AHNAK2: variants seen among roughly 807,000 people sequenced by gnomAD.
The protein encoded by AHNAK2 is protein AHNAK2.
Under a neutral mutation model 30.7 loss-of-function variants are expected in AHNAK2, and 18 were observed. The ratio of observed to expected loss-of-function variants is 0.59; its 90% CI spans 0.41 to 0.87. AHNAK2 has a LOEUF of 0.87. AHNAK2 is among the 40% of genes least tolerant of loss of function. The pLI is 0.00. For missense variants in AHNAK2, 8,604 were observed against 7,373.0 expected (o/e 1.17, Z -6.11); for synonymous variants, 3,590 against 3,073.8 (o/e 1.17, Z -5.56).
chr14:104,953,601 GC>G lies in AHNAK2; in HGVS notation c.1849del (p.Ala617ProfsTer17), dbSNP rs1205572179. ...EDTEQGREGE[A>X]TATADRREQR... Reference sequence around the variant, plus strand: ...TTCTCTTCTATCAGCTGTTGCTGTGGCCTCTCCTTCCCTTCCCTGCTCTGTG... The same window carrying G: ...TTCTCTTCTATCAGCTGTTGCTGTGGCTCTCCTTCCCTTCCCTGCTCTGTG... On this transcript the variant is annotated frameshift_variant, in exon 7 of 7. Transcript: ENST00000333244. LOFTEE classifies it low-confidence loss of function (END_TRUNC). 5 of 1,613,744 alleles carry G rather than the reference GC, an allele frequency of 3.1e-6. No individual in the cohort carries two copies. Among genetic ancestry groups the G allele is most frequent in the Non-Finnish European group, 4.2e-6 (5 of 1,179,878 alleles).
At position 104,944,860 on chromosome 14, in the gene AHNAK2, C is replaced by T. The variant is rs746675764; in HGVS notation, c.10591G>A (p.Glu3531Lys). ...LSIQPPSADL[E>K]VQAVQVDVEL... Reference sequence around the variant, plus strand: ...ACATCCACTTGGACAGCCTGGACCTCCAGGTCAGCGGAAGGGGGCTGAATG... The same window carrying T: ...ACATCCACTTGGACAGCCTGGACCTTCAGGTCAGCGGAAGGGGGCTGAATG... Residue 3531 changes from glutamate (E) to lysine (K), a missense_variant, in exon 7 of 7, where the codon GAG becomes AAG. By Grantham distance (56) the Glu-to-Lys change is moderately conservative (BLOSUM62 1). Coordinates refer to ENST00000333244, the MANE Select transcript of AHNAK2 (RefSeq NM_138420.4). 15 of 1,612,036 alleles carry T rather than the reference C, an allele frequency of 9.3e-6. No individual in the cohort carries two copies. The East Asian group carries it at 2.2e-4, about 24-fold the overall frequency.
At position 104,954,567 on chromosome 14, in the gene AHNAK2, G is replaced by A; in HGVS notation, c.884C>T (p.Pro295Leu). 1.2e-6 allele frequency: 2 copies of A among 1,608,652 alleles called. No individual in the cohort carries two copies. Among genetic ancestry groups the A allele is most frequent in the Non-Finnish European group, 1.7e-6 (2 of 1,177,392 alleles). ...CTGGGCCTCTGTGTCTGTGCTTGTA[G>A]GGGACACGTCATGTGCGTCCCTAGG... ...YEPRDAHDVSPTSTDTEAQLT... is the reference protein window; with the variant it reads ...YEPRDAHDVSLTSTDTEAQLT... Residue 295 changes from proline to leucine, a missense_variant, in exon 7 of 7, where the codon CCT becomes CTT. Coordinates refer to ENST00000333244, the MANE Select transcript of AHNAK2 (RefSeq NM_138420.4). This position sits in a 1 kb window ranked among gnomAD's most constrained non-coding sequence, Gnocchi z 4.3.
Position 104,946,878 on chromosome 14 carries a change from G to C in AHNAK2, c.8573C>G (p.Thr2858Ser). The C allele has an allele frequency of 1.2e-6, 2 of 1,612,520 alleles. No individual in the cohort carries two copies. Among genetic ancestry groups the C allele is most frequent in the Non-Finnish European group, 1.7e-6 (2 of 1,179,692 alleles). The change falls in exon 7 of 7, where the codon ACC becomes AGC. Residue 2858 changes from threonine (T) to serine (S), a missense_variant. By Grantham distance (58) the Thr-to-Ser change is moderately conservative. Transcript: ENST00000333244. ...SFPSMQGDLK[T>S]TDIRIQPPSA... ...GGGGGGCTGAATGCGGATGTCAGTG[G>C]TCTTAAGATCCCCTTGCATGGAGGG...
At chr14:104,959,232 G>C (rs1309773763) in intron 1 of AHNAK2, among the ~76,000 whole-genome samples, 1 of 152,174 alleles carries the variant, frequency 6.6e-6, no homozygotes, top group Non-Finnish European at 1.5e-5. Flanking sequence ...AAGTGCAGTG[G>C]CACGATCTTG....
Position 104,946,661 on chromosome 14 carries a change from C to T in AHNAK2, c.8790G>A (p.Ala2930=), listed in dbSNP as rs747768367. Residue 2930 remains alanine (A), a synonymous_variant, in exon 7 of 7, where the codon GCG becomes GCA. Coordinates refer to ENST00000333244, the MANE Select transcript of AHNAK2 (RefSeq NM_138420.4). ...GPKLDLKGPK[A]EVTAPDVEVS... is the part of the protein sequence containing the mutation. ...CCTCCACGTCGGGGGCCGTCACCTC[C>T]GCCTTGGGGCCTTTCAGGTCCAGCT... 57 of 1,613,082 alleles carry T rather than the reference C, an allele frequency of 3.5e-5. No individual in the cohort carries two copies. The East Asian group carries it at 6.7e-4, about 19-fold the overall frequency.
At position 104,941,879 on chromosome 14, in the gene AHNAK2, A is replaced by G. The variant is rs747877169; in HGVS notation, c.13572T>C (p.Ala4524=). 1.2e-6 allele frequency: 2 copies of G among 1,613,484 alleles called. No individual in the cohort carries two copies. The highest frequency in any genetic ancestry group is 4.5e-5 in the East Asian group (2 of 44,852). ...QAPSADLEVQ[A]GQVDLKLPEG... is the part of the protein sequence containing the mutation. ...CTGGAAGTTTCAAGTCCACCTGGCC[A>G]GCCTGGACCTCCAGGTCGGCGGAAG... Residue 4524 remains alanine (A), a synonymous_variant, in exon 7 of 7, where the codon GCT becomes GCC. Transcript: ENST00000333244.
chr14:104,954,944 A>G lies in AHNAK2; in HGVS notation c.651+13T>C. On this transcript the variant is annotated intron_variant, in intron 6 of 6. Coordinates refer to ENST00000333244, the MANE Select transcript of AHNAK2 (RefSeq NM_138420.4). The surrounding 1 kb of genome is among the most constrained non-coding windows in gnomAD (Gnocchi z 4.3). ...CCAGCTGGGGCCCTGCCCCCCGGGCATAGTGGTCTCACCTCCTTCTCCTTG... is the reference window on the plus strand; with the variant it reads ...CCAGCTGGGGCCCTGCCCCCCGGGCGTAGTGGTCTCACCTCCTTCTCCTTG... The G allele has an allele frequency of 6.2e-7, 1 of 1,605,640 alleles. No homozygotes were observed. Among genetic ancestry groups the G allele is most frequent in the Non-Finnish European group, 8.5e-7 (1 of 1,175,732 alleles).
rs1376585772 is a variant in AHNAK2, at chr14:104,942,799, T to G, written c.12652A>C (p.Lys4218Gln). The G allele has an allele frequency of 1.2e-6, 2 of 1,612,806 alleles. No homozygotes were observed. The highest frequency in any genetic ancestry group is 1.7e-5 in the Admixed American group (1 of 59,952). ...KGAGLKGHLP[K>Q]VQMPCLKMPK... is the part of the protein sequence containing the mutation. ...ATCTTCAAACAGGGCATCTGCACCT[T>G]GGGGAGGTGCCCTTTGAGGCCGGCT... Residue 4218 changes from lysine to glutamine, a missense_variant, in exon 7 of 7, where the codon AAG becomes CAG. Transcript: ENST00000333244.
At position 104,946,155 on chromosome 14, in the gene AHNAK2, G is replaced by A. The variant is rs183644264; in HGVS notation, c.9296C>T (p.Ala3099Val). The change falls in exon 7 of 7, where the codon GCC (alanine) becomes GTC (valine). Residue 3099 changes from alanine (A) to valine (V), a missense_variant. Physicochemically the swap from Ala to Val is moderately conservative, Grantham distance 64. Transcript: ENST00000333244. ...DLKGPKTDVTAPDVEVSQPGM... is the reference protein window; with the variant it reads ...DLKGPKTDVTVPDVEVSQPGM... ...GGGCTGAGACACCTCCACGTCGGGG[G>A]CCGTCACGTCCGTCTTCGGGCCTTT... The A allele has an allele frequency of 6.4e-4, 1,032 of 1,612,042 alleles. No homozygotes were observed. The African/African-American group carries it at 0.013, about 20-fold the overall frequency.
Position 104,941,452 on chromosome 14 carries a change from T to C in AHNAK2, c.13999A>G (p.Ile4667Val), listed in dbSNP as rs202153346. The change falls in exon 7 of 7, where the codon ATT becomes GTT. Residue 4667 changes from isoleucine to valine, a missense_variant. By Grantham distance (29) the Ile-to-Val change is conservative. Coordinates refer to ENST00000333244, the MANE Select transcript of AHNAK2 (RefSeq NM_138420.4). ...TFHEKTSTFPIVESVVHEGDL... is the reference protein window; with the variant it reads ...TFHEKTSTFPVVESVVHEGDL... ...CCTTCATGAACAACAGATTCCACAA[T>C]GGGAAATGTGGAAGTCTTCTCATGG... 179 of 1,612,562 alleles carry C rather than the reference T, an allele frequency of 1.1e-4. No individual in the cohort carries two copies. In the African/African-American group the frequency reaches 2.2e-3, roughly 20 times the overall value.
chr14:104,973,841 G>A (rs559473672), intron 1 of AHNAK2, among the ~76,000 whole-genome samples: 84 of 152,350 alleles, frequency 5.5e-4, no homozygotes, highest in African/African-American at 2.0e-3. Context: ...CATTGGGTCA[G>A]CAGGTCCGAG....
At position 104,938,639 on chromosome 14, in the gene AHNAK2, T is replaced by C. The variant is rs188591246; in HGVS notation, c.16812A>G (p.Ser5604=). 4,967 of 1,612,360 alleles carry C rather than the reference T, an allele frequency of 3.1e-3. 11 individuals carry two copies. Among genetic ancestry groups the C allele is most frequent in the Non-Finnish European group, 3.8e-3 (4,538 of 1,179,156 alleles). Residue 5604 remains serine (S), a synonymous_variant, in exon 7 of 7, where the codon TCA becomes TCG. Coordinates refer to ENST00000333244, the MANE Select transcript of AHNAK2 (RefSeq NM_138420.4). ...PSGHQLADSC[S]DEEPAEILEF... is the part of the protein sequence containing the mutation. ...CAAGAATTTCTGCTGGCTCCTCATC[T>C]GAACAGCTGTCTGCAAGCTGGTGGC...
chr14:104,973,087 C>A (rs1028370848), intron 1 of AHNAK2, among the ~76,000 whole-genome samples: 4 of 152,256 alleles, frequency 2.6e-5, no homozygotes, highest in Non-Finnish European at 5.9e-5. Flanking sequence ...ACCTACCGGA[C>A]CCCTGGCACC....
In AHNAK2 at chr14:104,941,665, T is replaced by A; in HGVS notation, c.13786A>T (p.Thr4596Ser). The A allele has an allele frequency of 6.2e-7, 1 of 1,611,510 alleles. No individual in the cohort carries two copies. Among genetic ancestry groups the A allele is most frequent in the Non-Finnish European group, 8.5e-7 (1 of 1,179,082 alleles). The change falls in exon 7 of 7, where the codon ACG (threonine) becomes TCG (serine). Residue 4596 changes from threonine to serine, a missense_variant. By Grantham distance (58) the Thr-to-Ser change is moderately conservative. Coordinates refer to ENST00000333244, the MANE Select transcript of AHNAK2 (RefSeq NM_138420.4). Reference sequence around the variant, plus strand: ...ATGGATCCTGGGGCCTGGACATCCGTCTCCACGCTGGGCAGAGACACCTCC... The same window carrying A: ...ATGGATCCTGGGGCCTGGACATCCGACTCCACGCTGGGCAGAGACACCTCC... Reference protein sequence around the residue: ...DVEVSLPSVETDVQAPGSMLD... With the variant: ...DVEVSLPSVESDVQAPGSMLD...
At position 104,945,269 on chromosome 14, in the gene AHNAK2, C is replaced by T; in HGVS notation, c.10182G>A (p.Val3394=). ...TGGGCATCTTGAAACTGGGCATCTC[C>T]ACCTTGGGCAGGTGCCCTTTGAGGC... ...GAGLKGHLPK[V]EMPSFKMPKV... The change falls in exon 7 of 7, where the codon GTG becomes GTA. Residue 3394 remains valine, a synonymous_variant. Coordinates refer to ENST00000333244, the MANE Select transcript of AHNAK2 (RefSeq NM_138420.4). 1.9e-6 allele frequency: 3 copies of T among 1,612,970 alleles called. No homozygotes were observed. Among genetic ancestry groups the T allele is most frequent in the Non-Finnish European group, 2.5e-6 (3 of 1,179,558 alleles).
Position 104,951,823 on chromosome 14 carries a change from C to T in AHNAK2, c.3628G>A (p.Asp1210Asn). The change falls in exon 7 of 7, where the codon GAC becomes AAC. Residue 1210 changes from aspartate to asparagine, a missense_variant. By Grantham distance (23) the Asp-to-Asn change is conservative. Coordinates refer to ENST00000333244, the MANE Select transcript of AHNAK2 (RefSeq NM_138420.4). ...GCGGAAGGGGGCTGAATGCTGAGGT[C>T]AGTGGTCTTGAGGTCCCCCTGCATG... ...PSMQGDLKTT[D>N]LSIQPPSADL... The T allele has an allele frequency of 2.6e-6, 4 of 1,566,530 alleles. 2 individuals are homozygous for T. Among genetic ancestry groups the T allele is most frequent in the Non-Finnish European group, 1.7e-6 (2 of 1,143,802 alleles).
chr14:104,941,516 A>G lies in AHNAK2; in HGVS notation c.13935T>C (p.Val4645=). The part of the protein sequence containing the change: ...TSGFEWSSKK[V]SMSSSEIEGN... The stretch of plus-strand genomic sequence containing the variant: ...CTTCGATTTCAGAGGAAGACATGGA[A>G]ACTTTCTTTGACGACCATTCAAAAC... The change falls in exon 7 of 7, where the codon GTT becomes GTC. Residue 4645 remains valine, a synonymous_variant. Transcript: ENST00000333244. 1 of 1,613,052 alleles carries G rather than the reference A, an allele frequency of 6.2e-7. No homozygotes were observed. The highest frequency in any genetic ancestry group is 8.5e-7 in the Non-Finnish European group (1 of 1,179,870).
chr14:104,954,853 C>T lies in AHNAK2; in HGVS notation c.652-54G>A. The T allele has an allele frequency of 6.5e-7, 1 of 1,535,988 alleles. No homozygotes were observed. Among genetic ancestry groups the T allele is most frequent in the Non-Finnish European group, 8.7e-7 (1 of 1,144,192 alleles). ...GTGCCAGTCCAAGAAGCCTGGGGCCCTGGCCCAGGGACAGATGGAGTGGGA... is the reference window on the plus strand; with the variant it reads ...GTGCCAGTCCAAGAAGCCTGGGGCCTTGGCCCAGGGACAGATGGAGTGGGA... On this transcript the variant is annotated intron_variant, in intron 6 of 6. Transcript: ENST00000333244. The surrounding 1 kb of genome is among the most constrained non-coding windows in gnomAD (Gnocchi z 4.3).
chr14:104,943,052 G>T lies in AHNAK2; in HGVS notation c.12399C>A (p.Phe4133Leu). 1 of 1,612,942 alleles carries T rather than the reference G, an allele frequency of 6.2e-7. No individual in the cohort carries two copies. Among genetic ancestry groups the T allele is most frequent in the Non-Finnish European group, 8.5e-7 (1 of 1,179,536 alleles). Residue 4133 changes from phenylalanine (F) to leucine (L), a missense_variant, in exon 7 of 7, where the codon TTC (phenylalanine) becomes TTA (leucine). Coordinates refer to ENST00000333244, the MANE Select transcript of AHNAK2 (RefSeq NM_138420.4). The part of the protein sequence containing the change: ...DKDVTAKDSK[F>L]KMPKFKMPSF... ...ATGGCATCTTGAACTTGGGCATTTT[G>T]AACTTGCTGTCTTTGGCAGTCACAT...
Sources: allele counts gnomAD v4.1 joint callset (sites outside exome capture counted in the v4.1 genomes callset), GRCh38; gene constraint gnomAD v4.1.1; non-coding constraint Gnocchi (gnomAD v3.1); transcripts MANE v1.5; gene names NCBI Gene and HGNC (gene_info 2026-07-23, HGNC 2026-07-21).